Variants in SMARCAL1 observed in about 807,000 individuals in gnomAD.
The protein encoded by SMARCAL1 is ATP-driven annealing helicase.
Under a neutral mutation model 94.5 loss-of-function variants are expected in SMARCAL1, and 58 were observed. The observed-to-expected ratio is 0.61, with a 90% confidence interval of 0.50 to 0.76. The LOEUF (loss-of-function observed/expected upper bound fraction) is 0.76, where lower values mean the gene tolerates loss of function less well. Among genes scored for constraint, SMARCAL1 ranks in the 30% least tolerant of loss-of-function variants. The pLI, the probability that SMARCAL1 is intolerant of heterozygous loss-of-function variation, is 0.00. For missense variants in SMARCAL1, 1,051 were observed against 1,177.9 expected (o/e 0.89, Z 1.58); for synonymous variants, 422 against 455.1 (o/e 0.93, Z 0.93).
Position 216,416,294 on chromosome 2 carries a change from C to G in SMARCAL1, c.849C>G (p.Asp283Glu). The G allele has an allele frequency of 6.2e-7, 1 of 1,613,394 alleles. No individual in the cohort carries two copies. The highest frequency in any genetic ancestry group is 1.7e-4 in the Middle Eastern group (1 of 6,058). Residue 283 changes from aspartate (D) to glutamate (E), a missense_variant, in exon 4 of 18, where the codon GAC (aspartate) becomes GAG (glutamate). Transcript: ENST00000357276. ...DTKTWNFSMN[D>E]YSALMKAAQS... Reference sequence around the variant, plus strand: ...AGACGTGGAACTTCAGCATGAATGACTATAGTGCCCTGAGTAAGTAGACAC... The same window carrying G: ...AGACGTGGAACTTCAGCATGAATGAGTATAGTGCCCTGAGTAAGTAGACAC...
intron 7 of SMARCAL1, 143 bp from the exon 8 acceptor site, chr2:216,432,575 T>G: frequency 1.1e-6 from 1 of 923,064 alleles, no homozygotes; most frequent in Non-Finnish European, 1.7e-6. Context: ...GTACCTTTCC[T>G]TCTGGGGAGC....
At chr2:216,417,162 C>A (rs1693620512) in intron 4 of SMARCAL1, among the ~76,000 whole-genome samples, 1 of 152,198 alleles carries the variant, frequency 6.6e-6, no homozygotes, top group South Asian at 2.1e-4. Flanking sequence ...CTGGAGGCAC[C>A]AGTACAGTTT....
intron 12 of SMARCAL1, among the ~76,000 whole-genome samples, chr2:216,457,561 ACTGAACAACCTGCTC>A (rs1286498891): frequency 1.6e-4 from 25 of 152,348 alleles, no homozygotes; most frequent in African/African-American, 5.8e-4. Context: ...CTACATGGAA[ACTGAACAACCTGCTC>A]CTGAATGACT....
chr2:216,446,592 A>G (rs72948623), intron 10 of SMARCAL1: 50,553 of 438,850 alleles, frequency 0.12, 3,574 homozygotes, highest in South Asian at 0.19. Context: ...TTCCTGTCCA[A>G]TGCTGGATTC....
At chr2:216,445,435 C>T (rs1694289146) in intron 10 of SMARCAL1, among the ~76,000 whole-genome samples, 1 of 152,028 alleles carries the variant, frequency 6.6e-6, no homozygotes, top group Non-Finnish European at 1.5e-5. Context: ...ATGGGAGAAG[C>T]GATTTAATAC....
At chr2:216,451,147 C>A in intron 12 of SMARCAL1, 83 bp downstream of exon 12, 1 of 1,111,400 alleles carries the variant, frequency 9.0e-7, no homozygotes, top group Non-Finnish European at 1.4e-6. Flanking sequence ...AATGACCTGG[C>A]ATTCTCTCAG....
At position 216,482,041 on chromosome 2, in the gene SMARCAL1, G is replaced by A. The variant is rs1370178958; in HGVS notation, c.2626-697G>A. On this transcript the variant is annotated intron_variant, in intron 17 of 17. Transcript: ENST00000357276. The surrounding 1 kb of genome is among the most constrained non-coding windows in gnomAD (Gnocchi z 4.3). ...CAGTTGGTGGGTATTTTGATTATTTGTAATTTAAGGTAATCAGAATAGGTA... is the reference window on the plus strand; with the variant it reads ...CAGTTGGTGGGTATTTTGATTATTTATAATTTAAGGTAATCAGAATAGGTA... 6.6e-6 allele frequency among the ~76,000 whole-genome samples: 1 copy of A among 152,176 alleles called. No homozygotes were observed. The highest frequency in any genetic ancestry group is 1.5e-5 in the Non-Finnish European group (1 of 68,044).
At chr2:216,478,331 A>G (rs1166796908) in intron 17 of SMARCAL1, 32 bp downstream of exon 17, 1 of 1,520,154 alleles carries the variant, frequency 6.6e-7, no homozygotes, top group East Asian at 2.3e-5. Flanking sequence ...TCACCCCTGG[A>G]GCAGAGGGAG....
intron 12 of SMARCAL1, among the ~76,000 whole-genome samples, chr2:216,455,105 A>G (rs1694535332): frequency 6.6e-6 from 1 of 152,228 alleles, no homozygotes; most frequent in Non-Finnish European, 1.5e-5. Context: ...GCTCATTGCT[A>G]GCACAGCAGT....
intron 14 of SMARCAL1, among the ~76,000 whole-genome samples, chr2:216,471,356 A>ATT (rs200528251): frequency 8.9e-4 from 128 of 143,260 alleles, no homozygotes; most frequent in African/African-American, 2.5e-3. Flanking sequence ...CAGTGATTAA[A>ATT]TTTTTTTTTT....
chr2:216,458,919 T>A (rs1328625248), intron 12 of SMARCAL1, among the ~76,000 whole-genome samples: 4 of 152,234 alleles, frequency 2.6e-5, no homozygotes, highest in African/African-American at 9.6e-5. Context: ...GACATGATTG[T>A]ATATCTAGAA....
intron 14 of SMARCAL1, 124 bp downstream of exon 14, chr2:216,468,170 C>A: frequency 1.4e-6 from 1 of 713,592 alleles, no homozygotes. Context: ...TGAAGACTTT[C>A]TGAAGAAGAG....
At chr2:216,470,498 T>G (rs1219605171) in intron 14 of SMARCAL1, among the ~76,000 whole-genome samples, 2 of 151,724 alleles carry the variant, frequency 1.3e-5, no homozygotes, top group African/African-American at 4.8e-5. Flanking sequence ...GATCTTTTTT[T>G]TTTTTTTGAA....
chr2:216,464,683 G>T lies in SMARCAL1; in HGVS notation c.2141+16G>T. 1 of 1,537,950 alleles carries T rather than the reference G, an allele frequency of 6.5e-7. No individual in the cohort carries two copies. Among genetic ancestry groups the T allele is most frequent in the African/African-American group, 1.4e-5 (1 of 72,410 alleles). ...CATCTGTCATGTAAGTGGTCACTAAGTGTCGACCTCTCTCTCTCTCATCTT... is the reference window on the plus strand; with the variant it reads ...CATCTGTCATGTAAGTGGTCACTAATTGTCGACCTCTCTCTCTCTCATCTT... On this transcript the variant is annotated intron_variant, in intron 13 of 17. Transcript: ENST00000357276.
At chr2:216,423,780 T>C (rs1426417546) in intron 6 of SMARCAL1, 97 bp downstream of exon 6, 19 of 1,100,802 alleles carry the variant, frequency 1.7e-5, no homozygotes, top group Non-Finnish European at 2.6e-5. Context: ...TTCTCCTCCC[T>C]TTGCTGTGGT....
chr2:216,473,382 T>G (rs1420792944), intron 14 of SMARCAL1, among the ~76,000 whole-genome samples: 2 of 151,854 alleles, frequency 1.3e-5, no homozygotes, highest in Admixed American at 6.6e-5. Flanking sequence ...TTTTTTTTCT[T>G]TTTTGGTTAT....
At chr2:216,457,581 A>G (rs1694598346) in intron 12 of SMARCAL1, among the ~76,000 whole-genome samples, 1 of 152,254 alleles carries the variant, frequency 6.6e-6, no homozygotes, top group Non-Finnish European at 1.5e-5. Context: ...CTGCTCCTGA[A>G]TGACTACTGG....
intron 13 of SMARCAL1, among the ~76,000 whole-genome samples, chr2:216,466,637 G>A (rs1694835098): frequency 1.3e-5 from 2 of 151,858 alleles, no homozygotes; most frequent in South Asian, 4.2e-4. Context: ...GAAGGTTATA[G>A]AACAACAAAG....
At chr2:216,448,673 G>A (rs868451660) in intron 11 of SMARCAL1, among the ~76,000 whole-genome samples, 4 of 152,192 alleles carry the variant, frequency 2.6e-5, no homozygotes, top group South Asian at 4.2e-4. Flanking sequence ...CCAAGGTCAA[G>A]TTTAAAATTT....
Sources: gnomAD v4.1 joint callset for allele counts (sites outside exome capture counted in the v4.1 genomes callset) on GRCh38, gnomAD v4.1.1 for gene constraint, Gnocchi (gnomAD v3.1) non-coding constraint, MANE v1.5 for transcripts, NCBI Gene and HGNC (gene_info 2026-07-23, HGNC 2026-07-21) for gene names.